Variants in RPS6KA2 observed in about 807,000 individuals in gnomAD.
The protein encoded by RPS6KA2 is ribosomal protein S6 kinase A2, also known as ribosomal protein S6 kinase alpha-2.
Under a neutral mutation model 91.8 loss-of-function variants are expected in RPS6KA2, and 42 were observed. The observed-to-expected ratio is 0.46, with a 90% confidence interval of 0.36 to 0.59. The LOEUF (loss-of-function observed/expected upper bound fraction) is 0.59, where lower values mean the gene tolerates loss of function less well. RPS6KA2 is among the 20% of genes least tolerant of loss of function. The probability of loss-of-function intolerance (pLI) is 0.00; values close to 1 mark genes in which losing one functional copy is unlikely to be tolerated. For missense variants in RPS6KA2, 798 were observed against 978.5 expected (o/e 0.82, Z 2.46); for synonymous variants, 414 against 393.6 (o/e 1.05, Z -0.61).
At chr6:166,499,201 C>T (rs1781923242) in intron 7 of RPS6KA2, among the ~76,000 whole-genome samples, 1 of 152,184 alleles carries the variant, frequency 6.6e-6, no homozygotes, top group South Asian at 2.1e-4. Context: ...CCAGGTGCCA[C>T]AGAGCAAGGA....
At chr6:166,553,351 T>C (rs1473401506) in intron 1 of RPS6KA2, among the ~76,000 whole-genome samples, 1 of 151,978 alleles carries the variant, frequency 6.6e-6, no homozygotes, top group Non-Finnish European at 1.5e-5. Flanking sequence ...CTCAAACTCC[T>C]GAGCTCAAGC....
chr6:166,712,494 C>T (rs531200100), intron 2 of RPS6KA2, among the ~76,000 whole-genome samples: 2 of 152,362 alleles, frequency 1.3e-5, no homozygotes, highest in East Asian at 3.9e-4. Context: ...GCAGCTATTC[C>T]TTTCATTATC....
chr6:166,750,220 A>AGTGCTGCAGAGACATCGGGC (rs1404228947), intron 2 of RPS6KA2, among the ~76,000 whole-genome samples: 2 of 152,172 alleles, frequency 1.3e-5, no homozygotes, highest in Non-Finnish European at 2.9e-5. Flanking sequence ...CGTGCCCTGC[A>AGTGCTGCAGAGACATCGGGC]GTGCTGCAGA....
intron 2 of RPS6KA2, among the ~76,000 whole-genome samples, chr6:166,783,952 T>C (rs1438316357): frequency 7.6e-3 from 16 of 2,096 alleles, no homozygotes; most frequent in Non-Finnish European, 0.012. Context: ...TCACCACATA[T>C]GCACACGTGC....
chr6:166,492,631 G>T (rs1781632174), intron 8 of RPS6KA2, among the ~76,000 whole-genome samples: 1 of 152,134 alleles, frequency 6.6e-6, no homozygotes, highest in East Asian at 1.9e-4. Flanking sequence ...TTACACAAAT[G>T]GTGCCTGTCC....
chr6:166,834,206 C>G (rs935182189), intron 2 of RPS6KA2, among the ~76,000 whole-genome samples: 4 of 152,186 alleles, frequency 2.6e-5, no homozygotes, highest in Admixed American at 1.3e-4. Flanking sequence ...TTGATGCTGT[C>G]AGACTTTTCA....
intron 12 of RPS6KA2, among the ~76,000 whole-genome samples, chr6:166,455,522 G>A (rs765067108): frequency 1.8e-4 from 27 of 152,176 alleles, no homozygotes; most frequent in African/African-American, 4.6e-4. Flanking sequence ...AGATGCCCAC[G>A]CGACCCCTGG....
chr6:166,415,018 T>C (rs1000894505), intron 19 of RPS6KA2, among the ~76,000 whole-genome samples: 9 of 152,236 alleles, frequency 5.9e-5, no homozygotes, highest in African/African-American at 1.4e-4. Context: ...TGAGCTGAGA[T>C]TGCACCATTG....
Position 166,783,538 on chromosome 6 carries a change from A to G in RPS6KA2, c.123+74662T>C, listed in dbSNP as rs527572023. Reference sequence around the variant, plus strand: ...AGATAGACAGATATAGATACAAATGACATAGATATATGCATACATACATAT... The same window carrying G: ...AGATAGACAGATATAGATACAAATGGCATAGATATATGCATACATACATAT... On this transcript the variant is annotated intron_variant, in intron 2 of 21. Coordinates refer to the RPS6KA2 transcript ENST00000503859. Among the ~76,000 whole-genome samples the G allele has an allele frequency of 3.9e-5, 6 of 152,216 alleles. No individual in the cohort carries two copies. In the South Asian group the frequency reaches 1.2e-3, roughly 32 times the overall value.
intron 2 of RPS6KA2, among the ~76,000 whole-genome samples, chr6:166,793,857 G>A (rs1779157474): frequency 6.6e-6 from 1 of 151,640 alleles, no homozygotes; most frequent in Non-Finnish European, 1.5e-5. Flanking sequence ...ATTAATTCAA[G>A]ACGGATTAAA....
chr6:166,416,062 T>TCCTTTCTCCATCAC (rs1308980480), intron 19 of RPS6KA2, among the ~76,000 whole-genome samples: 1 of 119,276 alleles, frequency 8.4e-6, no homozygotes, highest in African/African-American at 3.4e-5. Flanking sequence ...ATCCTCACCA[T>TCCTTTCTCCATCAC]CTCCACCATC....
Position 166,563,138 on chromosome 6 carries a change from G to A in RPS6KA2, c.100-24354C>T, listed in dbSNP as rs1280121312. ...AGATCCAGCCTGCAATGACTGGAGG[G>A]TGGGAGTGGACGAAGTTTATTCTGG... is the stretch of plus-strand genomic sequence containing the variant. On this transcript the variant is annotated intron_variant, in intron 1 of 20. Coordinates refer to ENST00000265678, the MANE Select transcript of RPS6KA2 (RefSeq NM_021135.6). The surrounding 1 kb of genome is among the most constrained non-coding windows in gnomAD (Gnocchi z 4.1). Among the ~76,000 whole-genome samples the A allele has an allele frequency of 6.6e-6, 1 of 152,222 alleles. No homozygotes were observed. Among genetic ancestry groups the A allele is most frequent in the Non-Finnish European group, 1.5e-5 (1 of 68,030 alleles).
chr6:166,687,756 T>C (rs1169444621), intron 2 of RPS6KA2, among the ~76,000 whole-genome samples: 1 of 152,240 alleles, frequency 6.6e-6, no homozygotes, highest in African/African-American at 2.4e-5. Flanking sequence ...AGCGCAGCAT[T>C]GCGTCGGCGG....
At chr6:166,505,603 A>C (rs968352471) in intron 5 of RPS6KA2, among the ~76,000 whole-genome samples, 1 of 152,186 alleles carries the variant, frequency 6.6e-6, no homozygotes, top group Admixed American at 6.5e-5. Context: ...GGCAAACACA[A>C]AATTAGAAGG....
chr6:166,817,002 T>C (rs773984653), intron 2 of RPS6KA2, among the ~76,000 whole-genome samples: 1 of 152,210 alleles, frequency 6.6e-6, no homozygotes, highest in Non-Finnish European at 1.5e-5. Context: ...CTTTCTCAGA[T>C]GATGCTGTGG....
intron 1 of RPS6KA2, among the ~76,000 whole-genome samples, chr6:166,576,524 CT>C (rs575802858): frequency 1.0e-3 from 152 of 152,302 alleles, no homozygotes; most frequent in African/African-American, 3.3e-3. Flanking sequence ...AAAGGTGACT[CT>C]TACTATGTTT....
At chr6:166,497,338 G>A (rs573928641) in intron 8 of RPS6KA2, among the ~76,000 whole-genome samples, 108 of 152,368 alleles carry the variant, frequency 7.1e-4, no homozygotes, top group African/African-American at 2.5e-3. Context: ...GACTGTCTGT[G>A]TTGTGACTCA....
rs1043604606 is a variant in RPS6KA2 at position 166,821,773 on chromosome 6, C to T, written c.123+36427G>A. ...TAGTAAGGCCCTGACCCTTCTGTGA[C>T]CTCCCTCCTAAGGCCGCCTACTTGC... is the stretch of plus-strand genomic sequence containing the variant. On this transcript the variant is annotated intron_variant, in intron 2 of 21. Transcript: ENST00000503859. The surrounding 1 kb of genome is among the most constrained non-coding windows in gnomAD (Gnocchi z 4.1). Among the ~76,000 whole-genome samples, 1 of 152,140 alleles carries T rather than the reference C, an allele frequency of 6.6e-6. No homozygotes were observed. The highest frequency in any genetic ancestry group is 1.5e-5 in the Non-Finnish European group (1 of 68,026).
intron 2 of RPS6KA2, among the ~76,000 whole-genome samples, chr6:166,824,539 TGTGA>T (rs1779984375): frequency 6.6e-6 from 1 of 152,170 alleles, no homozygotes. Context: ...GGCATGTGTG[TGTGA>T]GTGTGTCTAT....
Sources: allele counts gnomAD v4.1 joint callset (sites outside exome capture counted in the v4.1 genomes callset), GRCh38; gene constraint gnomAD v4.1.1; non-coding constraint Gnocchi (gnomAD v3.1); transcripts MANE v1.5; gene names NCBI Gene and HGNC (gene_info 2026-07-23, HGNC 2026-07-21).